DHRS12: variants seen among roughly 807,000 people sequenced by gnomAD.
DHRS12 encodes the protein dehydrogenase/reductase 12, also known as dehydrogenase/reductase SDR family member 12.
Under a neutral mutation model 32.1 loss-of-function variants are expected in DHRS12, and 29 were observed. The observed-to-expected ratio is 0.90, with a 90% confidence interval of 0.67 to 1.23. The LOEUF is 1.23. Among genes scored for constraint, DHRS12 ranks in the 50% most tolerant of loss-of-function variants. The pLI is 0.00. For synonymous variants in DHRS12, 150 were observed against 135.9 expected (o/e 1.10, Z -0.72); for missense variants, 330 against 337.2 (o/e 0.98, Z 0.17).
At chr13:51,787,214 G>A (rs932563658) in intron 4 of DHRS12, among the ~76,000 whole-genome samples, 1 of 152,178 alleles carries the variant, frequency 6.6e-6, no homozygotes, top group African/African-American at 2.4e-5. Context: ...GAGATAGCAA[G>A]GTCTTTAGAA....
chr13:51,771,731 A>C (rs1485066050), intron 7 of DHRS12, 90 bp downstream of exon 7: 2 of 1,496,768 alleles, frequency 1.3e-6, no homozygotes, highest in South Asian at 1.2e-5. Context: ...CGCTGGTTTT[A>C]GGTCATTCCT....
In DHRS12 at chr13:51,801,074, C is replaced by T. The variant is rs559293966; in HGVS notation, c.-8-1407G>A. Among the ~76,000 whole-genome samples the T allele has an allele frequency of 5.9e-5, 9 of 152,314 alleles. No homozygotes were observed. In the East Asian group the frequency reaches 1.7e-3, roughly 29 times the overall value. ...TAACCTTTCTGAGCTCTTATCTCCT[C>T]ATCTGCAGAAAGGGAATAATAAGAG... On this transcript the variant is annotated intron_variant, in intron 1 of 8. Transcript: ENST00000444610.
chr13:51,786,129 C>T (rs1388486193), intron 4 of DHRS12, among the ~76,000 whole-genome samples: 3 of 152,208 alleles, frequency 2.0e-5, no homozygotes, highest in East Asian at 1.9e-4. Context: ...CTCTGTCTCA[C>T]GACGTACATC....
chr13:51,759,488 C>T, the DHRS12 span, among the ~76,000 whole-genome samples: 1 of 152,202 alleles, frequency 6.6e-6, no homozygotes, highest in Non-Finnish European at 1.5e-5. Context: ...CCAGTCCTCT[C>T]AGCCATTAAT....
rs76495946 is a variant in DHRS12 at position 51,795,033 on chromosome 13, A to G, written c.127-3776T>C. On this transcript the variant is annotated intron_variant, in intron 2 of 8. Transcript: ENST00000444610. The stretch of plus-strand genomic sequence containing the variant: ...CATAACCTCTCTGAAAGATCACCTC[A>G]GCATGATATTCACCTCTCTATATGG... Among the ~76,000 whole-genome samples, 895 of 152,220 alleles carry G rather than the reference A, an allele frequency of 5.9e-3. 3 individuals are homozygous for G. Among genetic ancestry groups the G allele is most frequent in the South Asian group, 0.019 (91 of 4,824 alleles).
intron 7 of DHRS12, chr13:51,770,680 C>A: frequency 1.1e-6 from 1 of 891,222 alleles, no homozygotes; most frequent in Non-Finnish European, 1.4e-6. Flanking sequence ...TCTGCCAAAT[C>A]TCCAAGCTGG....
rs201005162 is a variant in DHRS12 at position 51,769,174 on chromosome 13, T to C, written c.679A>G (p.Ser227Gly). The change falls in exon 8 of 9, where the codon AGC becomes GGC. Residue 227 changes from serine (S) to glycine (G), a missense_variant. By Grantham distance (56) the Ser-to-Gly change is moderately conservative. Coordinates refer to ENST00000444610, the MANE Select transcript of DHRS12 (RefSeq NM_001377533.1). ...ALSSAAAAQP[S>G]GRFFQDRKPV... ...AAGTCACCTTGAAAGAAGCGGCCGC[T>C]GGGCTGTGCGGCTGCGGCAGAGGAG... is the stretch of plus-strand genomic sequence containing the variant. 1.1e-3 allele frequency: 1,776 copies of C among 1,552,540 alleles called. 3 individuals carry two copies. The highest frequency in any genetic ancestry group is 1.4e-3 in the Non-Finnish European group (1,652 of 1,148,982).
At chr13:51,787,755 A>G (rs1328171988) in intron 4 of DHRS12, among the ~76,000 whole-genome samples, 2 of 63,898 alleles carry the variant, frequency 3.1e-5, no homozygotes, top group African/African-American at 1.0e-4. Context: ...ATATATTTTT[A>G]TATATAATTA....
the DHRS12 span, chr13:51,756,214 G>C: frequency 9.8e-6 from 14 of 1,432,594 alleles, no homozygotes; most frequent in African/African-American, 1.1e-4. Flanking sequence ...GGGCTCTCTT[G>C]TTCAGCATCC....
intron 7 of DHRS12, chr13:51,771,055 C>T: frequency 1.4e-6 from 2 of 1,434,050 alleles, no homozygotes. Context: ...ATGGCCAGGC[C>T]CGGCTGGGAG....
chr13:51,763,855 T>G (rs1158524206), downstream of DHRS12: 1 of 152,204 alleles, frequency 6.6e-6, no homozygotes, highest in Non-Finnish European at 1.5e-5. Flanking sequence ...AAGGCCCAAA[T>G]TTTTGTTTTT....
the DHRS12 span, among the ~76,000 whole-genome samples, chr13:51,755,121 A>G: frequency 6.6e-6 from 1 of 152,164 alleles, no homozygotes; most frequent in African/African-American, 2.4e-5. Context: ...GCTTATGTAA[A>G]TAATTATTAA....
intron 2 of DHRS12, among the ~76,000 whole-genome samples, chr13:51,798,232 G>A (rs959121961): frequency 6.6e-6 from 1 of 152,132 alleles, no homozygotes; most frequent in African/African-American, 2.4e-5. Context: ...GTTAAACCTG[G>A]CTGCACTTTA....
chr13:51,768,015 C>T lies in DHRS12; in HGVS notation c.*172G>A, dbSNP rs982378369. 8 of 1,422,432 alleles carry T rather than the reference C, an allele frequency of 5.6e-6. No individual in the cohort carries two copies. In the African/African-American group the frequency reaches 1.2e-4, roughly 20 times the overall value. The allele number at this position is 1,422,432 out of a possible 1,614,324, so 88.1% of individuals were successfully genotyped here. A position where few individuals can be genotyped will look rare whatever the true frequency, so the allele number is the denominator to read the frequency against. On this transcript the variant is annotated 3_prime_UTR_variant, in exon 9 of 9. Coordinates refer to ENST00000444610, the MANE Select transcript of DHRS12 (RefSeq NM_001377533.1). ...GAGTTCAAGGTGAGCCTGATCACAG[C>T]CTCGGTAGTATTTATTTTGAAATAA...
chr13:51,756,260 G>A, the DHRS12 span: 10 of 1,547,100 alleles, frequency 6.5e-6, no homozygotes, highest in Non-Finnish European at 7.0e-6. Flanking sequence ...TCTCTGCCAG[G>A]AGGGGTGAGA....
chr13:51,797,869 G>A, intron 2 of DHRS12: 1 of 1,535,880 alleles, frequency 6.5e-7, no homozygotes, highest in Non-Finnish European at 8.7e-7. Flanking sequence ...GGCATCTTCT[G>A]CTGGGGCTTG....
the DHRS12 span, among the ~76,000 whole-genome samples, chr13:51,757,084 G>A: frequency 2.0e-5 from 3 of 152,186 alleles, no homozygotes; most frequent in African/African-American, 7.2e-5. Context: ...CCTAATTTTA[G>A]TGACTTACAG....
intron 4 of DHRS12, among the ~76,000 whole-genome samples, chr13:51,781,552 G>A (rs866938904): frequency 1.3e-5 from 2 of 152,266 alleles, no homozygotes; most frequent in Non-Finnish European, 1.5e-5. Context: ...GGGGTGGGAC[G>A]GCGGGGGAGG....
intron 4 of DHRS12, among the ~76,000 whole-genome samples, chr13:51,778,911 G>A (rs1954571332): frequency 1.3e-5 from 2 of 152,108 alleles, no homozygotes; most frequent in Admixed American, 6.6e-5. Flanking sequence ...ATACATATGT[G>A]TGTACACATA....
Sources: gnomAD v4.1 joint callset for allele counts (sites outside exome capture counted in the v4.1 genomes callset) on GRCh38, gnomAD v4.1.1 for gene constraint, MANE v1.5 for transcripts, NCBI Gene and HGNC (gene_info 2026-07-23, HGNC 2026-07-21) for gene names.